The following STK10 variants were observed in gnomAD, a reference collection of about 807,000 sequenced individuals.
The protein encoded by STK10 is serine/threonine-protein kinase 10.
A neutral mutation model predicts 113.8 loss-of-function variants in STK10; 78 were observed. The ratio of observed to expected loss-of-function variants is 0.69; its 90% CI spans 0.57 to 0.83. STK10 has a LOEUF of 0.83. STK10 is among the 40% of genes least tolerant of loss of function. The pLI, the probability that STK10 is intolerant of heterozygous loss-of-function variation, is 0.00. For synonymous variants in STK10, 465 were observed against 494.7 expected, an observed-to-expected ratio of 0.94 and a Z score of 0.80; for missense variants, 1,109 against 1,280.1, an observed-to-expected ratio of 0.87 and a Z score of 2.04.
intron 18 of STK10, among the ~76,000 whole-genome samples, chr5:172,048,414 T>TCCACACACACACAC (rs1554114845): frequency 1.6e-5 from 2 of 128,394 alleles, no homozygotes; most frequent in East Asian, 2.3e-4. Flanking sequence ...TCCCTCTCCC[T>TCCACACACACACAC]ACACACACAC....
chr5:172,122,551 G>C (rs530051658), intron 3 of STK10, among the ~76,000 whole-genome samples: 1 of 152,154 alleles, frequency 6.6e-6, no homozygotes, highest in Non-Finnish European at 1.5e-5. Context: ...CAAAGTCCCC[G>C]TTGACACCAC....
At chr5:172,181,229 T>C (rs1770849190) in intron 1 of STK10, among the ~76,000 whole-genome samples, 1 of 152,240 alleles carries the variant, frequency 6.6e-6, no homozygotes, top group South Asian at 2.1e-4. Context: ...TACCGCAGCA[T>C]GTGCGTATTT....
chr5:172,064,094 G>A (rs1768015054), intron 13 of STK10, among the ~76,000 whole-genome samples: 1 of 152,114 alleles, frequency 6.6e-6, no homozygotes, highest in African/African-American at 2.4e-5. Context: ...TTGATCACAC[G>A]CAGGCAGGAG....
At chr5:172,107,928 A>C in intron 4 of STK10, 76 bp from the exon 5 acceptor site, 5 of 1,278,584 alleles carry the variant, frequency 3.9e-6, no homozygotes, top group Non-Finnish European at 5.6e-6. Context: ...ACTCAGGGGT[A>C]CACATTCCAA....
intron 13 of STK10, chr5:172,063,664 GGACA>G (rs34810781): frequency 0.12 from 18,133 of 152,040 alleles, 2,016 homozygotes; most frequent in African/African-American, 0.3. Flanking sequence ...TGCTGTAATG[GGACA>G]GACAGGTCAT....
At chr5:172,110,799 C>A (rs912950532) in intron 4 of STK10, among the ~76,000 whole-genome samples, 9 of 152,112 alleles carry the variant, frequency 5.9e-5, no homozygotes, top group African/African-American at 2.2e-4. Flanking sequence ...AAATGACAAA[C>A]GCAAAGCACT....
In STK10 at chr5:172,044,844, G is replaced by T. The variant is rs746362068; in HGVS notation, c.*38C>A. On this transcript the variant is annotated 3_prime_UTR_variant, in exon 19 of 19. Coordinates refer to ENST00000176763, the MANE Select transcript of STK10 (RefSeq NM_005990.4). This position sits in a 1 kb window ranked among gnomAD's most constrained non-coding sequence, Gnocchi z 4.5. ...ACAGAGAATGAAGGAGAAGGCCCTG[G>T]GGCCCACCAAGCTGCCAGCCACAGC... 1 of 1,613,846 alleles carries T rather than the reference G, an allele frequency of 6.2e-7. No individual in the cohort carries two copies. Among genetic ancestry groups the T allele is most frequent in the South Asian group, 1.1e-5 (1 of 91,076 alleles).
At position 172,180,186 on chromosome 5, in the gene STK10, G is replaced by A. The variant is rs975066325; in HGVS notation, c.156+7701C>T. 3.9e-5 allele frequency among the ~76,000 whole-genome samples: 6 copies of A among 152,372 alleles called. No individual in the cohort carries two copies. The East Asian group carries it at 9.6e-4, about 24-fold the overall frequency. ...TCCCTTTGAAAGTCCGGCCTAGGCCGGGCGTGGTGGCTCACGCCTGTAATC... is the reference window on the plus strand; with the variant it reads ...TCCCTTTGAAAGTCCGGCCTAGGCCAGGCGTGGTGGCTCACGCCTGTAATC... On this transcript the variant is annotated intron_variant, in intron 1 of 18. Transcript: ENST00000176763.
intron 3 of STK10, among the ~76,000 whole-genome samples, chr5:172,127,093 G>A (rs367812578): frequency 3.2e-4 from 49 of 152,210 alleles, no homozygotes; most frequent in East Asian, 2.5e-3. Context: ...ATTTGAACCC[G>A]GGAGGCGGAG....
At chr5:172,084,239 A>G (rs1768500553) in intron 10 of STK10, among the ~76,000 whole-genome samples, 1 of 151,936 alleles carries the variant, frequency 6.6e-6, no homozygotes, top group African/African-American at 2.4e-5. Context: ...CATCTCTACT[A>G]AAAATACAAA....
chr5:172,106,582 C>T (rs1769115347), intron 6 of STK10, 38 bp downstream of exon 6: 7 of 1,591,268 alleles, frequency 4.4e-6, no homozygotes, highest in African/African-American at 1.3e-5. Context: ...AATCCCGGCG[C>T]AGGCACCCCG....
intron 7 of STK10, among the ~76,000 whole-genome samples, chr5:172,100,719 G>A (rs375692917): frequency 1.6e-4 from 25 of 152,124 alleles, no homozygotes; most frequent in South Asian, 4.2e-4. Flanking sequence ...CCCAGGAGGC[G>A]GAGATTGCAG....
rs561692216 is a variant in STK10 at position 172,076,822 on chromosome 5, A to G, written c.1989+5504T>C. Among the ~76,000 whole-genome samples, 3 of 152,312 alleles carry G rather than the reference A, an allele frequency of 2.0e-5. No individual in the cohort carries two copies. In the South Asian group the frequency reaches 6.2e-4, roughly 32 times the overall value. ...TTTCGACAGCACCATCTCAGGCATC[A>G]TACAATTTAAAGGCCTCACGAGCTT... On this transcript the variant is annotated intron_variant, in intron 12 of 18. Transcript: ENST00000176763.
chr5:172,145,362 G>A (rs538742357), intron 2 of STK10, among the ~76,000 whole-genome samples: 7 of 152,222 alleles, frequency 4.6e-5, no homozygotes, highest in East Asian at 1.9e-4. Flanking sequence ...GTTGGAAGGC[G>A]GCACATTCAA....
At chr5:172,064,920 C>T in intron 12 of STK10, 108 bp from the exon 13 acceptor site, 1 of 1,235,418 alleles carries the variant, frequency 8.1e-7, no homozygotes, top group Non-Finnish European at 1.1e-6. Context: ...AGAAGAGGCT[C>T]AGCTTTGCAG....
intron 4 of STK10, chr5:172,114,466 TA>T (rs1561813204): frequency 1.4e-3 from 51 of 37,314 alleles, no homozygotes; most frequent in African/African-American, 6.0e-3. Context: ...TATATATATA[TA>T]TATATATTTT....
intron 2 of STK10, among the ~76,000 whole-genome samples, chr5:172,132,670 G>T (rs148314994): frequency 5.3e-4 from 81 of 152,322 alleles, no homozygotes; most frequent in Non-Finnish European, 1.0e-3. Flanking sequence ...CTGAAGAACT[G>T]AGATTTGTGG....
At chr5:172,075,269 T>C (rs756426062) in intron 12 of STK10, among the ~76,000 whole-genome samples, 9 of 151,726 alleles carry the variant, frequency 5.9e-5, no homozygotes, top group Non-Finnish European at 1.2e-4. Context: ...AAATACAACA[T>C]ATTTGAGAAA....
intron 2 of STK10, among the ~76,000 whole-genome samples, chr5:172,155,216 C>G: frequency 6.6e-6 from 1 of 152,050 alleles, no homozygotes; most frequent in Non-Finnish European, 1.5e-5. Context: ...TAAAAATTCT[C>G]GCTGGGCACA....
Sources: allele counts gnomAD v4.1 joint callset (sites outside exome capture counted in the v4.1 genomes callset), GRCh38; gene constraint gnomAD v4.1.1; non-coding constraint Gnocchi (gnomAD v3.1); transcripts MANE v1.5; gene names NCBI Gene and HGNC (gene_info 2026-07-23, HGNC 2026-07-21).